Variants in NLGN4Y observed in about 807,000 individuals in gnomAD.
NLGN4Y encodes the protein neuroligin 4 Y-linked, also known as neuroligin-4, Y-linked.
NLGN4Y carries 4 observed loss-of-function variants against 8.4 expected under a neutral mutation model. The observed-to-expected ratio is 0.48, with a 90% confidence interval of 0.23 to 1.09. The LOEUF is 1.09. Ranked by LOEUF, NLGN4Y falls within the 50% of genes least tolerant of loss-of-function variation. The pLI is 0.19. For synonymous variants in NLGN4Y, 35 were observed against 75.6 expected (o/e 0.46, Z 2.78); for missense variants, 90 against 192.3 (o/e 0.47, Z 3.15).
chrY:14,825,631 T>G (rs914097204), intron 5 of NLGN4Y, among the ~76,000 whole-genome samples: 2 of 32,408 alleles, frequency 6.2e-5, no homozygotes, highest in Non-Finnish European at 1.5e-4. Context: ...CATGAGGCAC[T>G]TGGAAGTGTC....
chrY:14,844,538 G>A lies in NLGN4Y; in HGVS notation c.*3276G>A, dbSNP rs751377475. The A allele has an allele frequency of 2.9e-5, 1 of 33,957 alleles. No individual in the cohort carries two copies. Among genetic ancestry groups the A allele is most frequent in the East Asian group, 7.8e-4 (1 of 1,277 alleles). 8.5% of individuals were successfully genotyped at this position (33,957 alleles called of 400,897 possible). On this transcript the variant is annotated 3_prime_UTR_variant, in exon 7 of 7. Coordinates refer to ENST00000684976, the MANE Select transcript of NLGN4Y (RefSeq NM_001365588.1). ...TTCTGACTTTGAAACATGCCCCCTTGGACAGGAAAATTTGATGGATAACAG... is the reference window on the plus strand; with the variant it reads ...TTCTGACTTTGAAACATGCCCCCTTAGACAGGAAAATTTGATGGATAACAG...
chrY:14,727,685 G>A, intron 4 of NLGN4Y, among the ~76,000 whole-genome samples: 1 of 33,245 alleles, frequency 3.0e-5, no homozygotes, highest in Non-Finnish European at 7.4e-5. Flanking sequence ...AGAAAATGTA[G>A]GAGAGACAAA....
intron 1 of NLGN4Y, among the ~76,000 whole-genome samples, chrY:14,546,690 G>A (rs2080173410): frequency 1.2e-4 from 4 of 32,237 alleles, no homozygotes; most frequent in African/African-American, 4.9e-4. Flanking sequence ...GGATGATGGC[G>A]TTTTCTAGAT....
intron 2 of NLGN4Y, among the ~76,000 whole-genome samples, chrY:14,629,691 G>A (rs1009973662): frequency 8.9e-5 from 3 of 33,529 alleles, no homozygotes; most frequent in Non-Finnish European, 1.5e-4. Flanking sequence ...GAAGGACAAA[G>A]TTCCATAATT....
At chrY:14,729,804 C>A in intron 4 of NLGN4Y, among the ~76,000 whole-genome samples, 1 of 33,405 alleles carries the variant, frequency 3.0e-5, no homozygotes, top group Non-Finnish European at 7.4e-5. Context: ...TCACAGCAAA[C>A]TTGAGTTGAC....
chrY:14,534,768 CGT>C (rs112527610), intron 1 of NLGN4Y, among the ~76,000 whole-genome samples: 229 of 20,067 alleles, frequency 0.011, no homozygotes, highest in South Asian at 0.024. Context: ...TTTTATCTCT[CGT>C]GTGTGTGTGT....
chrY:14,593,286 G>A, intron 1 of NLGN4Y, among the ~76,000 whole-genome samples: 2 of 33,531 alleles, frequency 6.0e-5, no homozygotes, highest in African/African-American at 1.2e-4. Context: ...AGTCCTCTCC[G>A]GGATAGTGAC....
intron 4 of NLGN4Y, among the ~76,000 whole-genome samples, chrY:14,821,403 C>A: frequency 1.5e-4 from 5 of 33,766 alleles, no homozygotes; most frequent in Non-Finnish European, 2.9e-4. Flanking sequence ...TTTGTCCCAT[C>A]CCATGTTGTC....
intron 4 of NLGN4Y, among the ~76,000 whole-genome samples, chrY:14,800,584 A>C (rs199833279): frequency 0.019 from 577 of 30,153 alleles, no homozygotes; most frequent in South Asian, 0.054. Flanking sequence ...TATTCTCTCT[A>C]TATATATATT....
At chrY:14,663,764 T>A in intron 2 of NLGN4Y, among the ~76,000 whole-genome samples, 1 of 32,868 alleles carries the variant, frequency 3.0e-5, no homozygotes, top group Non-Finnish European at 7.5e-5. Context: ...GAGCTGTGAT[T>A]GTGTCATTGT....
chrY:14,721,472 G>A, intron 3 of NLGN4Y, among the ~76,000 whole-genome samples: 2 of 33,159 alleles, frequency 6.0e-5, no homozygotes, highest in Non-Finnish European at 1.5e-4. Context: ...CTTTTCTGCC[G>A]TGGATTAAAT....
At position 14,842,933 on chromosome Y, in the gene NLGN4Y, T is replaced by C; in HGVS notation, c.*1671T>C. 8.3e-6 allele frequency: 1 copy of C among 120,058 alleles called. No individual in the cohort carries two copies. Among genetic ancestry groups the C allele is most frequent in the Non-Finnish European group, 1.8e-5 (1 of 55,901 alleles). 29.9% of individuals were successfully genotyped at this position (120,058 alleles called of 400,897 possible). A position where few individuals can be genotyped will look rare whatever the true frequency, so the allele number is the denominator to read the frequency against. ...GTAGCAATGGTTGCTCTATATTTTGTCTTTCAAAGATTACTGCATTACCAA... is the reference window on the plus strand; with the variant it reads ...GTAGCAATGGTTGCTCTATATTTTGCCTTTCAAAGATTACTGCATTACCAA... On this transcript the variant is annotated 3_prime_UTR_variant, in exon 7 of 7. Transcript: ENST00000684976.
intron 2 of NLGN4Y, among the ~76,000 whole-genome samples, chrY:14,694,435 AAG>A: frequency 3.0e-5 from 1 of 33,684 alleles, no homozygotes; most frequent in Non-Finnish European, 7.4e-5. Flanking sequence ...ATGAATCAGA[AAG>A]GTTACCATCT....
At chrY:14,610,542 G>A (rs2080463332) in intron 1 of NLGN4Y, among the ~76,000 whole-genome samples, 1 of 32,889 alleles carries the variant, frequency 3.0e-5, no homozygotes, top group Admixed American at 2.8e-4. Flanking sequence ...TCCTGGGTTC[G>A]AATTTGATTA....
At chrY:14,575,208 C>T (rs2080292789) in intron 1 of NLGN4Y, among the ~76,000 whole-genome samples, 1 of 33,399 alleles carries the variant, frequency 3.0e-5, no homozygotes, top group Non-Finnish European at 7.4e-5. Context: ...CCATTCTCCC[C>T]GTCACTTTCA....
chrY:14,617,372 C>T (rs1603501450), intron 1 of NLGN4Y, among the ~76,000 whole-genome samples: 1 of 17,273 alleles, frequency 5.8e-5, no homozygotes. Context: ...CTATTTGAGT[C>T]TTTGCACGTG....
chrY:14,724,602 A>G (rs2080949038), intron 4 of NLGN4Y, among the ~76,000 whole-genome samples: 1 of 31,444 alleles, frequency 3.2e-5, no homozygotes, highest in Non-Finnish European at 7.7e-5. Context: ...CCTGTATTTT[A>G]TGTGTCATCT....
intron 4 of NLGN4Y, among the ~76,000 whole-genome samples, chrY:14,809,286 C>G (rs775744210): frequency 3.1e-5 from 1 of 32,446 alleles, no homozygotes; most frequent in South Asian, 6.8e-4. Flanking sequence ...TGAGACCAGC[C>G]TGGACAACAT....
chrY:14,654,710 G>A (rs1050382345), intron 2 of NLGN4Y, among the ~76,000 whole-genome samples: 1 of 31,568 alleles, frequency 3.2e-5, no homozygotes, highest in Admixed American at 3.0e-4. Flanking sequence ...CTTCTTATTG[G>A]CTATCAAACT....
Sources: allele counts gnomAD v4.1 joint callset (sites outside exome capture counted in the v4.1 genomes callset), GRCh38; gene constraint gnomAD v4.1.1; transcripts MANE v1.5; gene names NCBI Gene and HGNC (gene_info 2026-07-23, HGNC 2026-07-21).